Variants in STARD13 observed in about 807,000 individuals in gnomAD.
STARD13 encodes the protein StAR related lipid transfer domain containing 13.
STARD13 carries 62 observed loss-of-function variants against 106.4 expected under a neutral mutation model. That is an observed-to-expected ratio of 0.58 (90% CI 0.48 to 0.72). The LOEUF (loss-of-function observed/expected upper bound fraction) is 0.72, where lower values mean the gene tolerates loss of function less well. Ranked by LOEUF, STARD13 falls within the 30% of genes least tolerant of loss-of-function variation. STARD13 has a pLI of 0.00. For synonymous variants in STARD13, 565 were observed against 553.0 expected (o/e 1.02, Z -0.31); for missense variants, 1,387 against 1,424.0 (o/e 0.97, Z 0.42).
At chr13:33,232,710 A>G (rs919458732) in intron 1 of STARD13, among the ~76,000 whole-genome samples, 2 of 152,232 alleles carry the variant, frequency 1.3e-5, no homozygotes, top group East Asian at 1.9e-4. Flanking sequence ...GACCCTCTGA[A>G]TTAAAACTAG....
At chr13:33,367,502 A>G in the STARD13 span, among the ~76,000 whole-genome samples, 1 of 152,236 alleles carries the variant, frequency 6.6e-6, no homozygotes, top group African/African-American at 2.4e-5. Context: ...GCTCTCAAAA[A>G]AAAAGAAGGA....
At chr13:33,419,833 A>G in the STARD13 span, among the ~76,000 whole-genome samples, 1 of 152,226 alleles carries the variant, frequency 6.6e-6, no homozygotes, top group Non-Finnish European at 1.5e-5. Context: ...TTTTCAACCC[A>G]GAATGTCATA....
intron 4 of STARD13, among the ~76,000 whole-genome samples, chr13:33,135,087 G>T (rs570309093): frequency 5.3e-5 from 8 of 152,220 alleles, no homozygotes; most frequent in Non-Finnish European, 1.2e-4. Context: ...ATTTTAAGGG[G>T]TACATTTCTA....
At chr13:33,499,646 C>CTTCTTCTTCTTT in the STARD13 span, among the ~76,000 whole-genome samples, 1 of 129,848 alleles carries the variant, frequency 7.7e-6, no homozygotes, top group Non-Finnish European at 1.6e-5. Flanking sequence ...TCTTCTTCTT[C>CTTCTTCTTCTTT]TCCTTCTTCT....
the STARD13 span, among the ~76,000 whole-genome samples, chr13:33,599,236 G>A: frequency 3.3e-5 from 5 of 152,044 alleles, no homozygotes; most frequent in African/African-American, 4.8e-5. Flanking sequence ...AACTTTTCAC[G>A]TGTTCCAGGA....
At chr13:33,643,630 G>A in the STARD13 span, among the ~76,000 whole-genome samples, 5 of 152,372 alleles carry the variant, frequency 3.3e-5, no homozygotes, top group East Asian at 1.9e-4. Flanking sequence ...TCGCACACCC[G>A]GTTCAGTTTG....
chr13:33,410,488 A>T, the STARD13 span, among the ~76,000 whole-genome samples: 1 of 152,194 alleles, frequency 6.6e-6, no homozygotes, highest in South Asian at 2.1e-4. Flanking sequence ...CTCAGCCATC[A>T]GGCTTTATCT....
chr13:33,219,114 A>T (rs1007825909), intron 1 of STARD13, among the ~76,000 whole-genome samples: 1 of 152,180 alleles, frequency 6.6e-6, no homozygotes, highest in African/African-American at 2.4e-5. Flanking sequence ...TAAGGGGTGG[A>T]TAAATCTCAG....
At chr13:33,464,043 G>GTATATA in the STARD13 span, among the ~76,000 whole-genome samples, 6 of 112,804 alleles carry the variant, frequency 5.3e-5, no homozygotes, top group Admixed American at 9.2e-5. Flanking sequence ...ATATATATAT[G>GTATATA]TATATGTATA....
At chr13:33,133,496 G>T (rs1878612750) in intron 4 of STARD13, among the ~76,000 whole-genome samples, 1 of 152,174 alleles carries the variant, frequency 6.6e-6, no homozygotes, top group African/African-American at 2.4e-5. Flanking sequence ...TTGGCACCCT[G>T]TGCCTACAAC....
chr13:33,371,309 T>G, the STARD13 span, among the ~76,000 whole-genome samples: 1 of 152,176 alleles, frequency 6.6e-6, no homozygotes, highest in Non-Finnish European at 1.5e-5. Context: ...GTGGACCCTC[T>G]TTGGGTCTGC....
chr13:33,300,074 C>T (rs998141341), intron 1 of STARD13, among the ~76,000 whole-genome samples: 5 of 152,086 alleles, frequency 3.3e-5, no homozygotes, highest in Admixed American at 1.3e-4. Context: ...GCTTTGGAGT[C>T]GAGTTAACTT....
the STARD13 span, among the ~76,000 whole-genome samples, chr13:33,399,700 C>CAAAAAAAA: frequency 1.1e-4 from 3 of 26,980 alleles, no homozygotes; most frequent in Non-Finnish European, 1.8e-4. Context: ...GACTCTGTCT[C>CAAAAAAAA]AAAAAAAAAA....
At chr13:33,269,345 C>G (rs1233536767) in intron 1 of STARD13, among the ~76,000 whole-genome samples, 1 of 152,224 alleles carries the variant, frequency 6.6e-6, no homozygotes, top group Non-Finnish European at 1.5e-5. Context: ...TTTCACCCTA[C>G]TTTCCTAAGA....
Position 33,131,252 on chromosome 13 carries a change from G to A in STARD13, c.388-963C>T, listed in dbSNP as rs116962430. Among the ~76,000 whole-genome samples the A allele has an allele frequency of 1.5e-4, 23 of 152,222 alleles. No individual in the cohort carries two copies. In the East Asian group the frequency reaches 2.7e-3, roughly 18 times the overall value. On this transcript the variant is annotated intron_variant, in intron 4 of 13. Transcript: ENST00000336934. ...TCATCCTCACCAAGCACATCACCAA[G>A]ACCTAATTCTGAACTGATTTTCAAA...
At chr13:33,580,561 A>T in the STARD13 span, among the ~76,000 whole-genome samples, 3 of 152,132 alleles carry the variant, frequency 2.0e-5, no homozygotes, top group Non-Finnish European at 2.9e-5. Context: ...TTAATTATGT[A>T]TCAATATTGG....
At chr13:33,393,555 A>T in the STARD13 span, among the ~76,000 whole-genome samples, 1 of 152,212 alleles carries the variant, frequency 6.6e-6, no homozygotes. Context: ...AAATGAGATT[A>T]TGTTCTGAAA....
chr13:33,238,580 T>C (rs1889311941), intron 1 of STARD13, among the ~76,000 whole-genome samples: 1 of 152,158 alleles, frequency 6.6e-6, no homozygotes, highest in Admixed American at 6.5e-5. Context: ...TTTTGCCATA[T>C]GAAAGAAAGT....
At chr13:33,369,478 A>C in the STARD13 span, among the ~76,000 whole-genome samples, 1 of 152,240 alleles carries the variant, frequency 6.6e-6, no homozygotes, top group Non-Finnish European at 1.5e-5. Flanking sequence ...AAAAGCTTAC[A>C]TTTAAGTTAA....
Sources: gnomAD v4.1 joint callset for allele counts (sites outside exome capture counted in the v4.1 genomes callset) on GRCh38, gnomAD v4.1.1 for gene constraint, MANE v1.5 for transcripts, NCBI Gene and HGNC (gene_info 2026-07-23, HGNC 2026-07-21) for gene names.